SGCD: variants seen among roughly 807,000 people sequenced by gnomAD.
SGCD encodes sarcoglycan delta.
In SGCD, 18 loss-of-function variants were observed where a neutral mutation model predicts 36.6. The observed-to-expected ratio is 0.49, with a 90% CI of 0.34 to 0.73. SGCD has a LOEUF of 0.73. Ranked by LOEUF, SGCD falls within the 30% of genes least tolerant of loss-of-function variation. SGCD has a pLI of 0.01. For synonymous variants in SGCD, 133 were observed against 130.6 expected, an observed-to-expected ratio of 1.02 and a Z score of -0.12; for missense variants, 387 against 346.7, an observed-to-expected ratio of 1.12 and a Z score of -0.92.
chr5:156,192,436 T>TA, intron 3 of SGCD, among the ~76,000 whole-genome samples: 1 of 152,122 alleles, frequency 6.6e-6, no homozygotes, highest in African/African-American at 2.4e-5. Context: ...CTCATGGTGA[T>TA]AGAGAGTAGA....
In SGCD at chr5:156,762,968, G is replaced by A. The variant is rs575301745; in HGVS notation, c.*3578G>A. ...AAGGAAGCCCTTCCTTATGTTACAT[G>A]TGGAAAGCCTGCCTTCCAAGACATG... On this transcript the variant is annotated 3_prime_UTR_variant, in exon 9 of 9. Transcript: ENST00000337851. 1 of 152,448 alleles carries A rather than the reference G, an allele frequency of 6.6e-6. No homozygotes were observed. Among genetic ancestry groups the A allele is most frequent in the East Asian group, 1.9e-4 (1 of 5,182 alleles). The allele number at this position is 152,448 out of a possible 1,614,324, so 9.4% of individuals were successfully genotyped here.
upstream of SGCD, among the ~76,000 whole-genome samples, chr5:155,868,759 A>C (rs879570944): frequency 6.6e-6 from 1 of 152,208 alleles, no homozygotes; most frequent in Non-Finnish European, 1.5e-5. Context: ...GAAATGGATA[A>C]GAATGATGTC....
intron 6 of SGCD, among the ~76,000 whole-genome samples, chr5:156,615,968 G>C (rs1026226985): frequency 1.6e-4 from 25 of 152,110 alleles, no homozygotes; most frequent in African/African-American, 6.0e-4. Flanking sequence ...TTATCATTCG[G>C]GTCTCACTTG....
At chr5:156,174,157 G>A (rs976598163) in intron 3 of SGCD, among the ~76,000 whole-genome samples, 1 of 151,422 alleles carries the variant, frequency 6.6e-6, no homozygotes, top group Non-Finnish European at 1.5e-5. Flanking sequence ...TGAATCTGAG[G>A]GGTGGAACTC....
intron 4 of SGCD, among the ~76,000 whole-genome samples, chr5:156,527,943 C>T (rs116490389): frequency 0.015 from 2,218 of 152,292 alleles, 22 homozygotes; most frequent in Middle Eastern, 0.037. Context: ...TGAAGACCTT[C>T]CCTGACTGCC....
chr5:155,772,267 T>C, the SGCD span, among the ~76,000 whole-genome samples: 7 of 152,314 alleles, frequency 4.6e-5, no homozygotes, highest in African/African-American at 1.4e-4. Flanking sequence ...GCAACAAATG[T>C]TGGCCCTACT....
intron 6 of SGCD, among the ~76,000 whole-genome samples, chr5:156,607,181 T>A (rs1437776081): frequency 1.3e-5 from 2 of 152,182 alleles, no homozygotes; most frequent in African/African-American, 4.8e-5. Flanking sequence ...TGGCTGTGGG[T>A]TTGTCATAGA....
At position 156,006,237 on chromosome 5, in the gene SGCD, A is replaced by T. The variant is rs1249471208; in HGVS notation, c.-281-111641A>T. Among the ~76,000 whole-genome samples the T allele has an allele frequency of 2.0e-5, 3 of 152,012 alleles. No homozygotes were observed. The East Asian group carries it at 5.8e-4, about 29-fold the overall frequency. ...TTCATTCAGTGACTGCTAATATTTC[A>T]CCCTATTTTCTAAATAAGGTCACTG... On this transcript the variant is annotated intron_variant, in intron 1 of 9. Coordinates refer to the SGCD transcript ENST00000517913.
chr5:156,492,217 G>T (rs1008924471), intron 3 of SGCD, among the ~76,000 whole-genome samples: 8 of 152,086 alleles, frequency 5.3e-5, no homozygotes, highest in Admixed American at 2.0e-4. Context: ...AACTACATCT[G>T]GGAATAAACT....
chr5:155,886,276 A>G (rs537188172), intron 1 of SGCD, among the ~76,000 whole-genome samples: 1 of 152,312 alleles, frequency 6.6e-6, no homozygotes, highest in African/African-American at 2.4e-5. Context: ...GAGGATGTGG[A>G]GCTCCCTGGC....
the SGCD span, among the ~76,000 whole-genome samples, chr5:155,755,561 A>G: frequency 6.6e-6 from 1 of 152,212 alleles, no homozygotes; most frequent in East Asian, 1.9e-4. Flanking sequence ...AGTGATGGGT[A>G]AGTTGAAAAG....
chr5:156,655,699 C>A (rs922701932), intron 7 of SGCD, among the ~76,000 whole-genome samples: 43 of 152,120 alleles, frequency 2.8e-4, no homozygotes, highest in African/African-American at 1.0e-3. Flanking sequence ...GAAATTATAC[C>A]AGGCACTGTA....
intron 6 of SGCD, among the ~76,000 whole-genome samples, chr5:156,621,982 A>G (rs1762268963): frequency 1.3e-5 from 2 of 152,220 alleles, no homozygotes; most frequent in Admixed American, 6.5e-5. Context: ...AGCAAGTTTA[A>G]GGGTGGAAGT....
chr5:156,493,801 T>C (rs1406251916), intron 3 of SGCD, among the ~76,000 whole-genome samples: 4 of 152,162 alleles, frequency 2.6e-5, no homozygotes, highest in Non-Finnish European at 5.9e-5. Context: ...CTGCTTTCAT[T>C]TTCTTCAGTA....
chr5:155,790,579 A>G, the SGCD span, among the ~76,000 whole-genome samples: 1 of 152,112 alleles, frequency 6.6e-6, no homozygotes, highest in Admixed American at 6.6e-5. Flanking sequence ...TTCTAAATAT[A>G]CAGATTTTAA....
At position 155,991,079 on chromosome 5, in the gene SGCD, C is replaced by T. The variant is rs565823057; in HGVS notation, c.-282+120655C>T. Among the ~76,000 whole-genome samples the T allele has an allele frequency of 1.4e-4, 22 of 152,234 alleles. No homozygotes were observed. The South Asian group carries it at 4.2e-3, about 29-fold the overall frequency. On this transcript the variant is annotated intron_variant, in intron 1 of 9. Transcript: ENST00000517913. ...TTCCCAGGTGAAGGATGCTGCTTGC[C>T]GTTCCAGGCCAATACCTTGAGACAT...
intron 3 of SGCD, among the ~76,000 whole-genome samples, chr5:156,369,632 T>C (rs1770280949): frequency 6.6e-6 from 1 of 152,226 alleles, no homozygotes; most frequent in Admixed American, 6.5e-5. Flanking sequence ...ACATTTCCCT[T>C]ACTAGCTTTT....
chr5:156,439,418 T>C (rs1390552680), intron 3 of SGCD, among the ~76,000 whole-genome samples: 8 of 152,152 alleles, frequency 5.3e-5, no homozygotes, highest in African/African-American at 1.9e-4. Flanking sequence ...TTAAGAGAAA[T>C]GGATTGTTCC....
rs1213693855 is a variant in SGCD at position 155,922,885 on chromosome 5, T to G, written c.-282+52461T>G. On this transcript the variant is annotated intron_variant, in intron 1 of 9. Coordinates refer to the SGCD transcript ENST00000517913. ...TCACCAGAAGCTCCAGCCCAATCAA[T>G]GCCCACTGAAAAATTTGAATGCCCC... Among the ~76,000 whole-genome samples the G allele has an allele frequency of 2.0e-5, 3 of 152,328 alleles. No individual in the cohort carries two copies. The South Asian group carries it at 6.2e-4, about 32-fold the overall frequency.
Sources: gnomAD v4.1 joint callset for allele counts (sites outside exome capture counted in the v4.1 genomes callset) on GRCh38, gnomAD v4.1.1 for gene constraint, MANE v1.5 for transcripts, NCBI Gene and HGNC (gene_info 2026-07-23, HGNC 2026-07-21) for gene names.